ENOX1: variants seen among roughly 807,000 people sequenced by gnomAD.
ENOX1 encodes ecto-NOX disulfide-thiol exchanger 1.
A neutral mutation model predicts 82.5 loss-of-function variants in ENOX1; 42 were observed. That is an observed-to-expected ratio of 0.51 (90% confidence interval 0.40 to 0.66). ENOX1 has a LOEUF of 0.66. Ranked by LOEUF, ENOX1 falls within the 30% of genes least tolerant of loss-of-function variation. The pLI, the probability that ENOX1 is intolerant of heterozygous loss-of-function variation, is 0.00. For synonymous variants in ENOX1, 271 were observed against 282.2 expected, an observed-to-expected ratio of 0.96 and a Z score of 0.40; for missense variants, 608 against 811.6, an observed-to-expected ratio of 0.75 and a Z score of 3.05.
At chr13:43,585,435 A>G (rs2080932949) in intron 2 of ENOX1, among the ~76,000 whole-genome samples, 2 of 152,180 alleles carry the variant, frequency 1.3e-5, no homozygotes, top group Admixed American at 6.5e-5. Context: ...CAGTAATAGG[A>G]AATTTAGACA....
chr13:43,458,789 C>G (rs191101647), intron 3 of ENOX1: 4 of 152,098 alleles, frequency 2.6e-5, no homozygotes, highest in African/African-American at 9.7e-5. Flanking sequence ...ACACCTCGAT[C>G]GTCTCACACC....
intron 11 of ENOX1, among the ~76,000 whole-genome samples, chr13:43,307,247 C>G (rs998720718): frequency 3.9e-5 from 6 of 152,192 alleles, no homozygotes; most frequent in Non-Finnish European, 7.3e-5. Flanking sequence ...AAAGTATCTG[C>G]ATCCTCTCTA....
intron 2 of ENOX1, among the ~76,000 whole-genome samples, chr13:43,563,278 T>G (rs1156315488): frequency 6.6e-6 from 1 of 152,158 alleles, no homozygotes; most frequent in Non-Finnish European, 1.5e-5. Flanking sequence ...AATTATATGC[T>G]TCTGAATAAC....
chr13:43,338,041 C>T (rs982372188), intron 9 of ENOX1, among the ~76,000 whole-genome samples: 2 of 152,176 alleles, frequency 1.3e-5, no homozygotes, highest in African/African-American at 2.4e-5. Context: ...TGCCTTTTCT[C>T]CAGTTTGTTC....
At chr13:43,384,009 G>C (rs2052245558) in intron 5 of ENOX1, among the ~76,000 whole-genome samples, 1 of 152,172 alleles carries the variant, frequency 6.6e-6, no homozygotes, top group South Asian at 2.1e-4. Context: ...AGTGAAGCCG[G>C]ACTGCCTGTG....
intron 14 of ENOX1, among the ~76,000 whole-genome samples, chr13:43,256,772 A>G (rs1279086078): frequency 6.6e-6 from 1 of 152,222 alleles, no homozygotes; most frequent in Non-Finnish European, 1.5e-5. Flanking sequence ...GAAAAGTAAA[A>G]ATAGAGCTAC....
At chr13:43,584,920 C>T (rs1163254269) in intron 2 of ENOX1, among the ~76,000 whole-genome samples, 1 of 152,180 alleles carries the variant, frequency 6.6e-6, no homozygotes, top group Non-Finnish European at 1.5e-5. Context: ...GTTACCCCAT[C>T]GCAAGCACAA....
intron 5 of ENOX1, among the ~76,000 whole-genome samples, chr13:43,391,316 C>A (rs773772883): frequency 1.6e-4 from 25 of 152,156 alleles, no homozygotes; most frequent in Non-Finnish European, 2.8e-4. Flanking sequence ...GTTTTCAAAG[C>A]CTACTGCTGT....
chr13:43,248,423 T>A (rs2043263674), intron 14 of ENOX1, among the ~76,000 whole-genome samples: 1 of 151,874 alleles, frequency 6.6e-6, no homozygotes, highest in African/African-American at 2.4e-5. Context: ...TTTTGGTCCC[T>A]AAATACATTT....
Position 43,509,109 on chromosome 13 carries a change from T to C in ENOX1, c.-218-24957A>G, listed in dbSNP as rs75891932. 6.2e-3 allele frequency among the ~76,000 whole-genome samples: 949 copies of C among 152,144 alleles called. 9 individuals are homozygous for C. The highest frequency in any genetic ancestry group is 0.022 in the African/African-American group (923 of 41,552). ...TAGCAATGTCTTCTACACATTCTACTCTGTGGTAGGAAATATCACAGCAAT... is the reference window on the plus strand; with the variant it reads ...TAGCAATGTCTTCTACACATTCTACCCTGTGGTAGGAAATATCACAGCAAT... On this transcript the variant is annotated intron_variant, in intron 2 of 16. Transcript: ENST00000690772.
chr13:43,604,234 TG>T (rs540211330), intron 2 of ENOX1, among the ~76,000 whole-genome samples: 3,019 of 151,730 alleles, frequency 0.02, 45 homozygotes, highest in Middle Eastern at 0.048. Context: ...TTGATGGGGT[TG>T]TTTTTTTCTT....
chr13:43,452,050 C>T (rs2056995500), intron 3 of ENOX1, among the ~76,000 whole-genome samples: 1 of 152,176 alleles, frequency 6.6e-6, no homozygotes, highest in Non-Finnish European at 1.5e-5. Flanking sequence ...AATCTTATTC[C>T]ACACTTACTT....
At position 43,770,165 on chromosome 13, in the gene ENOX1, C is replaced by T. The variant is rs116508536; in HGVS notation, c.-285+16487G>A. Among the ~76,000 whole-genome samples the T allele has an allele frequency of 6.6e-3, 1,009 of 152,326 alleles. 14 individuals carry two copies. The highest frequency in any genetic ancestry group is 0.022 in the African/African-American group (926 of 41,562). On this transcript the variant is annotated intron_variant, in intron 1 of 16. Transcript: ENST00000690772. ...CTGCCTAGTCAGTGAGGCATTTCCG[C>T]TTCTTCTTTAACAAAACTCTTAGTT...
chr13:43,680,774 C>T (rs1212743012), intron 1 of ENOX1, among the ~76,000 whole-genome samples: 1 of 152,074 alleles, frequency 6.6e-6, no homozygotes, highest in African/African-American at 2.4e-5. Context: ...ACATACAACC[C>T]ATGAACTATT....
intron 9 of ENOX1, among the ~76,000 whole-genome samples, chr13:43,342,005 AT>A (rs2153542845): frequency 6.6e-6 from 1 of 152,282 alleles, no homozygotes; most frequent in South Asian, 2.1e-4. Context: ...GAAAAAGAAG[AT>A]GTGATGGCAG....
intron 3 of ENOX1, among the ~76,000 whole-genome samples, chr13:43,454,562 T>A (rs909061959): frequency 7.2e-5 from 11 of 152,132 alleles, no homozygotes; most frequent in Admixed American, 3.9e-4. Flanking sequence ...ATAAGGAAAA[T>A]TTAGCACTCT....
At chr13:43,306,834 C>A (rs1211103392) in intron 11 of ENOX1, among the ~76,000 whole-genome samples, 2 of 12,770 alleles carry the variant, frequency 1.6e-4, no homozygotes, top group African/African-American at 1.7e-4. Context: ...GAAACACACA[C>A]ACGCACACAC....
At chr13:43,606,350 T>C (rs553448410) in intron 2 of ENOX1, among the ~76,000 whole-genome samples, 5 of 152,188 alleles carry the variant, frequency 3.3e-5, no homozygotes, top group Non-Finnish European at 7.3e-5. Flanking sequence ...CAAAGAGATA[T>C]CTGCACTCTC....
chr13:43,606,194 T>C (rs188420041), intron 2 of ENOX1, among the ~76,000 whole-genome samples: 27 of 152,270 alleles, frequency 1.8e-4, no homozygotes, highest in African/African-American at 5.8e-4. Flanking sequence ...AAGGGAACAC[T>C]TGCACACTGT....
Sources: allele counts gnomAD v4.1 joint callset (sites outside exome capture counted in the v4.1 genomes callset), GRCh38; gene constraint gnomAD v4.1.1; transcripts MANE v1.5; gene names NCBI Gene and HGNC (gene_info 2026-07-23, HGNC 2026-07-21).